TRAK1: variants seen among roughly 807,000 people sequenced by gnomAD.
The protein encoded by TRAK1 is trafficking kinesin-binding protein 1.
In TRAK1, 33 loss-of-function variants were observed where a neutral mutation model predicts 92.1. That is an observed-to-expected ratio of 0.36 (90% CI 0.27 to 0.48). The LOEUF (loss-of-function observed/expected upper bound fraction) is 0.48, where lower values mean the gene tolerates loss of function less well. TRAK1 is among the 20% of genes least tolerant of loss of function. TRAK1 has a pLI of 0.99. For missense variants in TRAK1, 1,123 were observed against 1,257.9 expected (o/e 0.89, Z 1.62); for synonymous variants, 521 against 517.3 (o/e 1.01, Z -0.10).
At chr3:42,186,006 A>G (rs1358542621) in intron 4 of TRAK1, among the ~76,000 whole-genome samples, 1 of 94,130 alleles carries the variant, frequency 1.1e-5, no homozygotes, top group Non-Finnish European at 2.1e-5. Flanking sequence ...TTTTTGAGAT[A>G]AGGTCTCACT....
At chr3:42,129,299 G>T (rs1696884748) in intron 2 of TRAK1, among the ~76,000 whole-genome samples, 1 of 152,176 alleles carries the variant, frequency 6.6e-6, no homozygotes, top group Non-Finnish European at 1.5e-5. Context: ...GTTCTCGGTT[G>T]TGGGCGGGCA....
intron 1 of TRAK1, among the ~76,000 whole-genome samples, chr3:42,114,868 A>G (rs1480677783): frequency 2.6e-5 from 4 of 151,942 alleles, no homozygotes; most frequent in Admixed American, 2.6e-4. Flanking sequence ...GTGCACCACC[A>G]CGTCTGGCTA....
At chr3:42,048,718 C>T (rs980323215) in intron 1 of TRAK1, among the ~76,000 whole-genome samples, 5 of 152,110 alleles carry the variant, frequency 3.3e-5, no homozygotes, top group Admixed American at 1.3e-4. Context: ...CACACCAGCA[C>T]ACCCCACAAC....
In TRAK1 at chr3:42,163,188, C is replaced by T. The variant is rs1162258693; in HGVS notation, c.287-13626C>T. On this transcript the variant is annotated intron_variant, in intron 2 of 15. Coordinates refer to ENST00000327628, the MANE Select transcript of TRAK1 (RefSeq NM_001042646.3). Reference sequence around the variant, plus strand: ...CAGCCTATTTAGAATGGCTGTAGAACTCTCTGCTCTTAACTATGATGCTAG... The same window carrying T: ...CAGCCTATTTAGAATGGCTGTAGAATTCTCTGCTCTTAACTATGATGCTAG... 2.6e-5 allele frequency among the ~76,000 whole-genome samples: 4 copies of T among 152,312 alleles called. No homozygotes were observed. The East Asian group carries it at 7.7e-4, about 29-fold the overall frequency.
At chr3:42,182,627 G>A (rs920339859) in intron 3 of TRAK1, among the ~76,000 whole-genome samples, 2 of 152,168 alleles carry the variant, frequency 1.3e-5, no homozygotes, top group African/African-American at 2.4e-5. Context: ...TTGTGGGACT[G>A]TGGTGACAGC....
Position 42,219,588 on chromosome 3 carries a change from C to G in TRAK1, c.2058C>G (p.Val686=). Residue 686 remains valine (V), a synonymous_variant, in exon 15 of 16, where the codon GTC becomes GTG. Coordinates refer to ENST00000327628, the MANE Select transcript of TRAK1 (RefSeq NM_001042646.3). ...ILHPSDELTR[V]TPSLNSAPTP... ...ATCCTTCAGATGAGCTCACTCGGGT[C>G]ACACCAAGGTAAGGGACCCTGGCTT... 4 of 1,572,240 alleles carry G rather than the reference C, an allele frequency of 2.5e-6. No homozygotes were observed. The highest frequency in any genetic ancestry group is 3.5e-6 in the Non-Finnish European group (4 of 1,153,642).
intron 2 of TRAK1, 103 bp downstream of exon 2, chr3:42,125,717 T>A: frequency 7.7e-7 from 1 of 1,305,906 alleles, no homozygotes; most frequent in Non-Finnish European, 1.1e-6. Context: ...TGATGTGGCT[T>A]GCCACCTCTG....
intron 2 of TRAK1, among the ~76,000 whole-genome samples, chr3:42,153,169 A>G (rs1700133900): frequency 6.6e-6 from 1 of 152,092 alleles, no homozygotes; most frequent in South Asian, 2.1e-4. Flanking sequence ...TTGGCAGGCT[A>G]AAGGGGGGAG....
rs778340088 is a variant in TRAK1 at position 42,219,561 on chromosome 3, G to C, written c.2031G>C (p.Leu677=). 1.9e-6 allele frequency: 3 copies of C among 1,593,152 alleles called. No individual in the cohort carries two copies. The highest frequency in any genetic ancestry group is 1.1e-5 in the South Asian group (1 of 90,858). Residue 677 remains leucine (L), a synonymous_variant, in exon 15 of 16, where the codon CTG becomes CTC. Coordinates refer to ENST00000327628, the MANE Select transcript of TRAK1 (RefSeq NM_001042646.3). ...TCACCTTCACCACCTGTCGCATCCT[G>C]CATCCTTCAGATGAGCTCACTCGGG... ...STFTFTTCRI[L]HPSDELTRVT...
Position 42,153,406 on chromosome 3 carries a change from A to T in TRAK1, c.287-23408A>T, listed in dbSNP as rs111646428. 5.5e-3 allele frequency among the ~76,000 whole-genome samples: 818 copies of T among 148,892 alleles called. 12 individuals carry two copies. The highest frequency in any genetic ancestry group is 0.019 in the African/African-American group (773 of 40,586). ...AGTGAGATCCTGTCTTAAAAAAAAT[A>T]AAAAAAAAAGGAATGGTATTTTGAA... On this transcript the variant is annotated intron_variant, in intron 2 of 15. Transcript: ENST00000327628.
chr3:42,067,130 T>C (rs141520843), intron 1 of TRAK1, among the ~76,000 whole-genome samples: 8 of 152,340 alleles, frequency 5.3e-5, no homozygotes, highest in Non-Finnish European at 8.8e-5. Context: ...TGTACTCAAG[T>C]TGATTTAAGT....
At chr3:42,062,374 C>CA (rs914707378) in intron 1 of TRAK1, among the ~76,000 whole-genome samples, 4 of 151,684 alleles carry the variant, frequency 2.6e-5, no homozygotes, top group East Asian at 3.9e-4. Flanking sequence ...GGGCCAATTT[C>CA]AAAAAAAATC....
chr3:42,026,185 A>G (rs1045653771), intron 1 of TRAK1, among the ~76,000 whole-genome samples: 24 of 152,146 alleles, frequency 1.6e-4, no homozygotes, highest in Admixed American at 1.4e-3. Flanking sequence ...CTAGAAGAGG[A>G]CTCAGAGGCA....
chr3:42,030,347 GCGAGACCCTGTCT>G (rs1163214148), intron 1 of TRAK1, among the ~76,000 whole-genome samples: 1 of 139,468 alleles, frequency 7.2e-6, no homozygotes, highest in Non-Finnish European at 1.5e-5. Context: ...GTGAGACAAA[GCGAGACCCTGTCT>G]CTAAAAAAAA....
chr3:42,051,185 T>C (rs1702966402), intron 1 of TRAK1: 1 of 152,394 alleles, frequency 6.6e-6, no homozygotes, highest in South Asian at 2.1e-4. Flanking sequence ...TAATTTTTAA[T>C]CCAGTTTCAT....
intron 1 of TRAK1, among the ~76,000 whole-genome samples, chr3:42,019,407 C>CA (rs1456891485): frequency 6.6e-6 from 1 of 152,146 alleles, no homozygotes; most frequent in Non-Finnish European, 1.5e-5. Context: ...TCCTGAGTAG[C>CA]ATGCGTGCTG....
chr3:42,016,233 G>T (rs1310741792), intron 1 of TRAK1, among the ~76,000 whole-genome samples: 1 of 151,342 alleles, frequency 6.6e-6, no homozygotes, highest in African/African-American at 2.4e-5. Context: ...GAGTCAGAGT[G>T]TCGCTCTGTC....
At chr3:42,059,164 G>A (rs567915538) in intron 1 of TRAK1, among the ~76,000 whole-genome samples, 83 of 152,038 alleles carry the variant, frequency 5.5e-4, no homozygotes, top group Non-Finnish European at 6.8e-4. Flanking sequence ...GTGCGATCAT[G>A]GCTTGCCGTA....
chr3:42,168,810 G>A (rs897708426), intron 2 of TRAK1, among the ~76,000 whole-genome samples: 3 of 151,514 alleles, frequency 2.0e-5, no homozygotes, highest in Non-Finnish European at 2.9e-5. Context: ...GGGCTCAAGT[G>A]ATCTACTTTT....
Sources: gnomAD v4.1 joint callset for allele counts (sites outside exome capture counted in the v4.1 genomes callset) on GRCh38, gnomAD v4.1.1 for gene constraint, MANE v1.5 for transcripts, NCBI Gene and HGNC (gene_info 2026-07-23, HGNC 2026-07-21) for gene names.